TPCN2: variants seen among roughly 807,000 people sequenced by gnomAD.
TPCN2 encodes the protein two pore segment channel 2.
Under a neutral mutation model 111.4 loss-of-function variants are expected in TPCN2, and 92 were observed. The observed-to-expected ratio is 0.83, with a 90% CI of 0.70 to 0.98. The LOEUF (loss-of-function observed/expected upper bound fraction) is 0.98. TPCN2 is among the 50% of genes least tolerant of loss of function. The probability of loss-of-function intolerance (pLI) is 0.00; values close to 1 mark genes in which losing one functional copy is unlikely to be tolerated. For synonymous variants in TPCN2, 405 were observed against 414.5 expected, an observed-to-expected ratio of 0.98 and a Z score of 0.28; for missense variants, 995 against 980.1, an observed-to-expected ratio of 1.02 and a Z score of -0.20.
chr11:69,073,068 C>G (rs1855608204), intron 13 of TPCN2, 67 bp downstream of exon 13: 1 of 1,168,946 alleles, frequency 8.6e-7, no homozygotes, highest in South Asian at 1.2e-5. Flanking sequence ...CCCTTGATCA[C>G]CTGGGGAACT....
chr11:69,065,236 C>G (rs559044976), intron 7 of TPCN2, among the ~76,000 whole-genome samples: 2 of 152,320 alleles, frequency 1.3e-5, no homozygotes, highest in Admixed American at 6.5e-5. Flanking sequence ...ATCTCAGGCC[C>G]TCCTCTGTGT....
intron 4 of TPCN2, among the ~76,000 whole-genome samples, chr11:69,056,982 T>TGG (rs757560886): frequency 5.3e-5 from 8 of 152,040 alleles, no homozygotes; most frequent in Admixed American, 1.3e-4. Flanking sequence ...GGATTACAGG[T>TGG]GCCTGCCACC....
In TPCN2 at chr11:69,087,902, T is replaced by C. The variant is rs368428685; in HGVS notation, c.2208T>C (p.Asp736=). The C allele has an allele frequency of 1.2e-6, 2 of 1,612,468 alleles. No homozygotes were observed. The highest frequency in any genetic ancestry group is 1.7e-6 in the Non-Finnish European group (2 of 1,179,880). Residue 736 remains aspartate, a synonymous_variant, in exon 25 of 25, where the codon GAT becomes GAC. Transcript: ENST00000294309. ...FRDILEEPGE[D]ELTERLSQHP... ...ATATTCTGGAGGAGCCCGGGGAGGA[T>C]GAGCTCACAGAGAGGCTGAGCCAGC... is the stretch of plus-strand genomic sequence containing the variant.
At chr11:69,077,182 C>G (rs1476823783) in intron 13 of TPCN2, among the ~76,000 whole-genome samples, 245 of 12,984 alleles carry the variant, frequency 0.019, no homozygotes, top group East Asian at 0.037. Flanking sequence ...TGCCGTGTCC[C>G]TTCACCTGCC....
Position 69,065,389 on chromosome 11 carries a change from A to C in TPCN2, c.726+1422A>C, listed in dbSNP as rs1590721005. ...CGACCCCGGGAAAGCCGAGTGTCCC[A>C]TCCTGAGGCACCTGGAAGGGTTGGC... On this transcript the variant is annotated intron_variant, in intron 7 of 24. Transcript: ENST00000294309. Among the ~76,000 whole-genome samples, 3 of 152,278 alleles carry C rather than the reference A, an allele frequency of 2.0e-5. No individual in the cohort carries two copies. The South Asian group carries it at 6.2e-4, about 32-fold the overall frequency.
At chr11:69,064,163 G>A (rs1196794130) in intron 7 of TPCN2, among the ~76,000 whole-genome samples, 196 bp downstream of exon 7, 1 of 152,076 alleles carries the variant, frequency 6.6e-6, no homozygotes, top group Non-Finnish European at 1.5e-5. Context: ...CCAGACACCT[G>A]TCTGCCCTGG....
rs1194690517 is a variant in TPCN2, at chr11:69,090,569, T to G, written c.*2616T>G. On this transcript the variant is annotated 3_prime_UTR_variant, in exon 25 of 25. Coordinates refer to ENST00000294309, the MANE Select transcript of TPCN2 (RefSeq NM_139075.4). ...TGCTGAGGGTCCTGCCTCATTAAGA[T>G]GCAATAAATATGTAAGTACATAAAA... is the stretch of plus-strand genomic sequence containing the variant. 6.6e-6 allele frequency: 1 copy of G among 152,220 alleles called. No individual in the cohort carries two copies. Among genetic ancestry groups the G allele is most frequent in the African/African-American group, 2.4e-5 (1 of 41,456 alleles). The allele number at this position is 152,220 out of a possible 1,614,324, so 9.4% of individuals were successfully genotyped here. A position where few individuals can be genotyped will look rare whatever the true frequency, so the allele number is the denominator to read the frequency against.
chr11:69,055,457 C>A, intron 4 of TPCN2, 105 bp downstream of exon 4: 1 of 1,234,834 alleles, frequency 8.1e-7, no homozygotes, highest in Non-Finnish European at 1.1e-6. Context: ...GCCTTTTCCC[C>A]AGACTTTGTA....
chr11:69,058,375 G>T (rs1246235775), intron 5 of TPCN2, among the ~76,000 whole-genome samples: 1 of 152,108 alleles, frequency 6.6e-6, no homozygotes, highest in South Asian at 2.1e-4. Flanking sequence ...GGCAGGGGAC[G>T]GGGGAGAGAT....
In TPCN2 at chr11:69,089,694, A is replaced by G. The variant is rs1044456195; in HGVS notation, c.*1741A>G. The G allele has an allele frequency of 1.3e-5, 2 of 152,302 alleles. No homozygotes were observed. The highest frequency in any genetic ancestry group is 4.8e-5 in the African/African-American group (2 of 41,466). The allele number at this position is 152,302 out of a possible 1,614,324, so 9.4% of individuals were successfully genotyped here. A position where few individuals can be genotyped will look rare whatever the true frequency, so the allele number is the denominator to read the frequency against. On this transcript the variant is annotated 3_prime_UTR_variant, in exon 25 of 25. Transcript: ENST00000294309. ...GCCCTGGTCAGCTTCTCCACTGCCC[A>G]GTGAACGACCCCTTTGTAATGAATG...
rs1855472305 is a variant in TPCN2 at position 69,070,452 on chromosome 11, G to C, written c.852G>C (p.Lys284Asn). Residue 284 changes from lysine to asparagine, a missense_variant, in exon 9 of 25, where the codon AAG becomes AAC. Transcript: ENST00000294309. ...NPDVMIPAYSKNRAYAIFFIV... is the reference protein window; with the variant it reads ...NPDVMIPAYSNNRAYAIFFIV... ...TAGTGATGATTCCTGCGTATTCCAA[G>C]AACCGGGCCTATGCCATCTTCTTCA... 1.2e-6 allele frequency: 2 copies of C among 1,612,742 alleles called. No homozygotes were observed. The highest frequency in any genetic ancestry group is 2.2e-5 in the South Asian group (2 of 90,978).
At chr11:69,072,882 C>T (rs753667028) in intron 12 of TPCN2, 33 bp from the exon 13 acceptor site, 10 of 1,579,286 alleles carry the variant, frequency 6.3e-6, no homozygotes, top group South Asian at 3.3e-5. Flanking sequence ...CCTTCCCGTG[C>T]GCCCCTGCTG....
rs754349694 is a variant in TPCN2 at position 69,078,920 on chromosome 11, A to G, written c.1439A>G (p.Tyr480Cys). Residue 480 changes from tyrosine (Y) to cysteine (C), a missense_variant, in exon 16 of 25, where the codon TAC becomes TGC. Physicochemically the swap from Tyr to Cys is radical, Grantham distance 194 (BLOSUM62 -2). Coordinates refer to ENST00000294309, the MANE Select transcript of TPCN2 (RefSeq NM_139075.4). ...CTCAACTGCGTCTTCATTGTGTACT[A>G]CCTGTTGGAGATGCTGCTCAAGGTC... ...GILNCVFIVY[Y>C]LLEMLLKVFA... is the part of the protein sequence containing the mutation. 1.9e-6 allele frequency: 3 copies of G among 1,613,932 alleles called. No individual in the cohort carries two copies. The highest frequency in any genetic ancestry group is 2.2e-5 in the East Asian group (1 of 44,858).
In TPCN2 at chr11:69,085,576, C is replaced by T. The variant is rs189404737; in HGVS notation, c.1839-95C>T. 8.7e-5 allele frequency: 77 copies of T among 889,690 alleles called. No homozygotes were observed. In the Admixed American group the frequency reaches 1.4e-3, roughly 16 times the overall value. 55.1% of individuals were successfully genotyped at this position (889,690 alleles called of 1,614,324 possible). A position where few individuals can be genotyped will look rare whatever the true frequency, so the allele number is the denominator to read the frequency against. ...TGTATCCCAATTTGTACCTTCAGGC[C>T]AGGCTGAGCACGCCAGCAGAGGAAA... On this transcript the variant is annotated intron_variant, in intron 20 of 24. Transcript: ENST00000294309.
intron 7 of TPCN2, among the ~76,000 whole-genome samples, chr11:69,065,100 C>T (rs1256447558): frequency 5.3e-5 from 8 of 150,810 alleles, no homozygotes; most frequent in Non-Finnish European, 5.9e-5. Context: ...TCTCTGCGTG[C>T]GTGGTGTCTG....
chr11:69,051,629 C>T (rs4930644), intron 1 of TPCN2, among the ~76,000 whole-genome samples: 36,928 of 152,218 alleles, frequency 0.24, 4,935 homozygotes, highest in South Asian at 0.44. Flanking sequence ...CCGGATGCAG[C>T]ATCTCAGCCC....
chr11:69,085,757 G>A lies in TPCN2; in HGVS notation c.1920+5G>A, dbSNP rs1329140838. On this transcript the variant is annotated splice_donor_5th_base_variant and intron_variant, in intron 21 of 24. Transcript: ENST00000294309. ...AACAACTTCGATGACTTTGCGGTGA[G>A]CCCTGCGCCCTGTCCCAGCACCCTG... is the stretch of plus-strand genomic sequence containing the variant. 1.2e-6 allele frequency: 2 copies of A among 1,614,018 alleles called. No homozygotes were observed. The highest frequency in any genetic ancestry group is 4.5e-5 in the East Asian group (2 of 44,874).
Position 69,078,972 on chromosome 11 carries a change from G to C in TPCN2, c.1491G>C (p.Leu497=). 1 of 1,613,950 alleles carries C rather than the reference G, an allele frequency of 6.2e-7. No homozygotes were observed. Among genetic ancestry groups the C allele is most frequent in the Non-Finnish European group, 8.5e-7 (1 of 1,179,934 alleles). ...TTGCCCTGGGCCTGCGAGGGTACCT[G>C]TCCTACCCCAGCAACGTGTTTGACG... ...KVFALGLRGY[L]SYPSNVFDGL... The change falls in exon 16 of 25, where the codon CTG becomes CTC. Residue 497 remains leucine, a synonymous_variant. Coordinates refer to ENST00000294309, the MANE Select transcript of TPCN2 (RefSeq NM_139075.4).
At position 69,070,436 on chromosome 11, in the gene TPCN2, T is replaced by TA. The variant is rs748263046; in HGVS notation, c.836_837insA (p.Pro280SerfsTer60). 6.2e-7 allele frequency: 1 copy of TA among 1,612,046 alleles called. No homozygotes were observed. Among genetic ancestry groups the TA allele is most frequent in the Non-Finnish European group, 8.5e-7 (1 of 1,179,222 alleles). ...TATTTCTTTTTTCTTTTAGTGATGATTCCTGCGTATTCCAAGAACCGGGCC... is the reference window on the plus strand; with the variant it reads ...TATTTCTTTTTTCTTTTAGTGATGATATCCTGCGTATTCCAAGAACCGGGCC... On this transcript the variant is annotated frameshift_variant, in exon 9 of 25. Transcript: ENST00000294309. LOFTEE classifies it high-confidence loss of function.
Sources: gnomAD v4.1 joint callset for allele counts (sites outside exome capture counted in the v4.1 genomes callset) on GRCh38, gnomAD v4.1.1 for gene constraint, MANE v1.5 for transcripts, NCBI Gene and HGNC (gene_info 2026-07-23, HGNC 2026-07-21) for gene names.